Variants in GPSM2 observed in about 807,000 individuals in gnomAD.
The protein encoded by GPSM2 is G protein signaling modulator 2, also known as G protein-signaling modulator 2.
In GPSM2, 58 loss-of-function variants were observed where a neutral mutation model predicts 78.4. The ratio of observed to expected loss-of-function variants is 0.74; its 90% CI spans 0.60 to 0.92. The LOEUF (loss-of-function observed/expected upper bound fraction) is 0.92. GPSM2 is among the 40% of genes least tolerant of loss of function. The pLI is 0.00. For missense variants in GPSM2, 700 were observed against 815.5 expected (o/e 0.86, Z 1.73); for synonymous variants, 224 against 280.2 (o/e 0.80, Z 2.00).
chr1:108,887,405 T>C (rs1185437632), intron 2 of GPSM2, among the ~76,000 whole-genome samples: 1 of 152,150 alleles, frequency 6.6e-6, no homozygotes. Context: ...ACCCTGGGAC[T>C]CCGAGGCGCT....
At chr1:108,927,675 T>G (rs887461205) in intron 14 of GPSM2, among the ~76,000 whole-genome samples, 1 of 152,100 alleles carries the variant, frequency 6.6e-6, no homozygotes, top group Non-Finnish European at 1.5e-5. Context: ...GAACTAAAAC[T>G]ATAAAACTCA....
chr1:108,891,115 C>T (rs955343315), intron 2 of GPSM2, among the ~76,000 whole-genome samples: 5 of 152,166 alleles, frequency 3.3e-5, no homozygotes, highest in Non-Finnish European at 4.4e-5. Context: ...TAATTATTGA[C>T]GTTGAAAGAT....
rs1275203181 is a variant in GPSM2 at position 108,932,371 on chromosome 1, C to CTGAT, written c.*2432_*2435dup. ...AGTCTTATCTCATCTCATCTCTTTT[C>CTGAT]TGATAACAAACACCCGATGTGTTCA... On this transcript the variant is annotated 3_prime_UTR_variant, in exon 15 of 15. Transcript: ENST00000264126. 6.6e-6 allele frequency: 1 copy of CTGAT among 152,154 alleles called. No homozygotes were observed. The highest frequency in any genetic ancestry group is 2.4e-5 in the African/African-American group (1 of 41,434). 9.4% of individuals were successfully genotyped at this position (152,154 alleles called of 1,614,324 possible).
Position 108,901,861 on chromosome 1 carries a change from A to G in GPSM2, c.869A>G (p.Asn290Ser). 1 of 1,610,750 alleles carries G rather than the reference A, an allele frequency of 6.2e-7. No individual in the cohort carries two copies. The highest frequency in any genetic ancestry group is 8.5e-7 in the Non-Finnish European group (1 of 1,176,916). The change falls in exon 8 of 15, where the codon AAT becomes AGT. Residue 290 changes from asparagine (N) to serine (S), a missense_variant. Transcript: ENST00000264126. ...GCACAGTCTTGTTACAGTCTTGGAA[A>G]TACATATACTTTACTTCAAGACTAT... ...VEAQSCYSLG[N>S]TYTLLQDYEK... is the part of the protein sequence containing the mutation.
chr1:108,918,478 A>G, intron 11 of GPSM2, 135 bp from the exon 12 acceptor site: 1 of 665,594 alleles, frequency 1.5e-6, no homozygotes, highest in Non-Finnish European at 2.7e-6. Flanking sequence ...GGATATTTTT[A>G]AAGAGATCTA....
In GPSM2 at chr1:108,885,592, T is replaced by C. The variant is rs1647473515; in HGVS notation, c.56+14T>C. The C allele has an allele frequency of 1.4e-6, 2 of 1,468,492 alleles. No homozygotes were observed. Among genetic ancestry groups the C allele is most frequent in the African/African-American group, 1.4e-5 (1 of 72,182 alleles). 91.0% of individuals were successfully genotyped at this position (1,468,492 alleles called of 1,614,324 possible). On this transcript the variant is annotated intron_variant, in intron 2 of 14. Coordinates refer to ENST00000264126, the MANE Select transcript of GPSM2 (RefSeq NM_013296.5). ...TGTTCGTTACAGGTAAGACTATTGC[T>C]GTCTTAATGGATGACTTTTAATCCT...
At chr1:108,886,666 A>G (rs1647574046) in intron 2 of GPSM2, among the ~76,000 whole-genome samples, 1 of 152,162 alleles carries the variant, frequency 6.6e-6, no homozygotes, top group Non-Finnish European at 1.5e-5. Flanking sequence ...CACCTTATAT[A>G]TAATAGGTTA....
rs2101542712 is a variant in GPSM2, at chr1:108,922,477, A to G, written c.1501A>G (p.Ser501Gly). ...CTTTGACTTATTAAGCCGATTTCAAAGCAATAGGATGGATGATCAGAGATG... is the reference window on the plus strand; with the variant it reads ...CTTTGACTTATTAAGCCGATTTCAAGGCAATAGGATGGATGATCAGAGATG... ...GFFDLLSRFQ[S>G]NRMDDQRCCL... is the part of the protein sequence containing the mutation. Residue 501 changes from serine to glycine, a missense_variant, in exon 13 of 15, where the codon AGC becomes GGC. Coordinates refer to ENST00000264126, the MANE Select transcript of GPSM2 (RefSeq NM_013296.5). The G allele has an allele frequency of 2.5e-6, 4 of 1,612,338 alleles. No homozygotes were observed. The Admixed American group carries it at 6.7e-5, about 27-fold the overall frequency.
At chr1:108,892,078 G>A (rs905150685) in intron 2 of GPSM2, among the ~76,000 whole-genome samples, 7 of 152,172 alleles carry the variant, frequency 4.6e-5, no homozygotes, top group African/African-American at 1.4e-4. Context: ...TTAGAATACA[G>A]AGAAGGTAGA....
At chr1:108,910,862 CAA>C (rs59356856) in intron 10 of GPSM2, among the ~76,000 whole-genome samples, 2 of 120,788 alleles carry the variant, frequency 1.7e-5, no homozygotes, top group African/African-American at 3.1e-5. Flanking sequence ...GACTCCGTCT[CAA>C]AAAAAAAAAA....
intron 11 of GPSM2, among the ~76,000 whole-genome samples, chr1:108,917,611 C>CACACACACACATATATAT (rs1312607573): frequency 1.8e-4 from 4 of 22,718 alleles, no homozygotes; most frequent in Admixed American, 1.2e-3. Context: ...CACACACACA[C>CACACACACACATATATAT]ATATATATAT....
At chr1:108,909,245 C>T (rs1361708496) in intron 10 of GPSM2, among the ~76,000 whole-genome samples, 5 of 152,094 alleles carry the variant, frequency 3.3e-5, no homozygotes, top group African/African-American at 9.7e-5. Context: ...TGGGGTCACA[C>T]CTTAAAAGTG....
rs1162283702 is a variant in GPSM2, at chr1:108,897,485, T to C, written c.279-7T>C. 1 of 1,606,942 alleles carries C rather than the reference T, an allele frequency of 6.2e-7. No homozygotes were observed. ...GTTTTTTGTTTTTTGTTTTTTGTTT[T>C]TTTCAGGACTATTGGAGACCAGCTG... is the stretch of plus-strand genomic sequence containing the variant. On this transcript the variant is annotated splice_polypyrimidine_tract_variant and splice_region_variant and intron_variant, in intron 3 of 14. Coordinates refer to ENST00000264126, the MANE Select transcript of GPSM2 (RefSeq NM_013296.5).
At chr1:108,927,220 CAA>C (rs1347760099) in intron 14 of GPSM2, among the ~76,000 whole-genome samples, 1 of 152,090 alleles carries the variant, frequency 6.6e-6, no homozygotes, top group Non-Finnish European at 1.5e-5. Flanking sequence ...CGATACTATC[CAA>C]AGTGACCTAC....
intron 1 of GPSM2, among the ~76,000 whole-genome samples, chr1:108,881,005 C>G (rs1458115832): frequency 6.6e-6 from 1 of 152,200 alleles, no homozygotes; most frequent in Non-Finnish European, 1.5e-5. Flanking sequence ...GCTAGCCTTT[C>G]TTGTCTGCTC....
chr1:108,885,045 A>G (rs751230701), intron 1 of GPSM2, among the ~76,000 whole-genome samples: 5 of 152,212 alleles, frequency 3.3e-5, no homozygotes, highest in Admixed American at 6.5e-5. Flanking sequence ...ATATTACATA[A>G]AAGTATTAAA....
At chr1:108,909,902 C>CAAAAAAAAAAA (rs34151964) in intron 10 of GPSM2, 4 of 50,620 alleles carry the variant, frequency 7.9e-5, no homozygotes, top group Non-Finnish European at 1.1e-4. Context: ...ACGCCATCTC[C>CAAAAAAAAAAA]AAAAAAAAAA....
chr1:108,906,556 CTTTT>C (rs34000394), intron 10 of GPSM2, among the ~76,000 whole-genome samples: 1 of 132,036 alleles, frequency 7.6e-6, no homozygotes, highest in Non-Finnish European at 1.6e-5. Context: ...AGCCAGAGTG[CTTTT>C]TTTTTTTTTT....
At chr1:108,883,264 T>A (rs1177677620) in intron 1 of GPSM2, among the ~76,000 whole-genome samples, 1 of 152,236 alleles carries the variant, frequency 6.6e-6, no homozygotes, top group Non-Finnish European at 1.5e-5. Flanking sequence ...TCTGCTCTGT[T>A]CCCTATTAAC....
Sources: gnomAD v4.1 joint callset for allele counts (sites outside exome capture counted in the v4.1 genomes callset) on GRCh38, gnomAD v4.1.1 for gene constraint, MANE v1.5 for transcripts, NCBI Gene and HGNC (gene_info 2026-07-23, HGNC 2026-07-21) for gene names.